The following ANXA4 variants were observed in gnomAD, a reference collection of about 807,000 sequenced individuals.
The protein encoded by ANXA4 is 35-beta calcimedin.
In ANXA4, 39 loss-of-function variants were observed where a neutral mutation model predicts 49.8. The observed-to-expected ratio is 0.78, with a 90% confidence interval of 0.61 to 1.02. ANXA4 has a LOEUF of 1.02. Among genes scored for constraint, ANXA4 ranks in the 50% least tolerant of loss-of-function variants. The pLI is 0.00. For synonymous variants in ANXA4, 134 were observed against 152.5 expected (o/e 0.88, Z 0.89); for missense variants, 360 against 410.1 (o/e 0.88, Z 1.05).
intron 12 of ANXA4, among the ~76,000 whole-genome samples, chr2:69,824,272 G>A (rs542260200): frequency 1.3e-5 from 2 of 152,224 alleles, no homozygotes; most frequent in East Asian, 3.9e-4. Context: ...GGAGGCCAAG[G>A]TGAGTGGATC....
At chr2:69,721,180 C>G (rs558139221) in intron 3 of ANXA4, among the ~76,000 whole-genome samples, 31 of 152,362 alleles carry the variant, frequency 2.0e-4, no homozygotes, top group Admixed American at 5.9e-4. Flanking sequence ...CACTCTTTGT[C>G]AGTTCCCACC....
chr2:69,700,398 T>A (rs1678294225), intron 2 of ANXA4: 1 of 151,998 alleles, frequency 6.6e-6, no homozygotes, highest in Non-Finnish European at 1.5e-5. Context: ...ATACAAATAA[T>A]TACATTCAAA....
At chr2:69,818,758 C>A in intron 10 of ANXA4, 64 bp downstream of exon 10, 2 of 997,592 alleles carry the variant, frequency 2.0e-6, no homozygotes, top group Non-Finnish European at 3.1e-6. Flanking sequence ...TATCAGTTTG[C>A]AATATGGGGA....
At chr2:69,783,281 G>A (rs1339352798) in intron 2 of ANXA4, among the ~76,000 whole-genome samples, 1 of 151,956 alleles carries the variant, frequency 6.6e-6, no homozygotes, top group East Asian at 1.9e-4. Context: ...GCAGTGGCGC[G>A]ATCTTGGCTC....
chr2:69,825,325 A>C, intron 12 of ANXA4, 131 bp from the exon 13 acceptor site: 2 of 712,110 alleles, frequency 2.8e-6, no homozygotes, highest in South Asian at 3.6e-5. Context: ...TACCTTCGTA[A>C]TAAAAAATAA....
At chr2:69,650,433 T>C (rs1676189705) in intron 1 of ANXA4, among the ~76,000 whole-genome samples, 1 of 152,234 alleles carries the variant, frequency 6.6e-6, no homozygotes, top group African/African-American at 2.4e-5. Context: ...ATAAACAAAA[T>C]AGTTACACTC....
chr2:69,772,589 G>A (rs1428640257), intron 1 of ANXA4, among the ~76,000 whole-genome samples: 1 of 152,210 alleles, frequency 6.6e-6, no homozygotes, highest in African/African-American at 2.4e-5. Context: ...CTTGTGCCAA[G>A]AGTTATTGAG....
intron 1 of ANXA4, among the ~76,000 whole-genome samples, chr2:69,777,132 C>T (rs924428002): frequency 2.0e-5 from 3 of 152,174 alleles, no homozygotes; most frequent in Admixed American, 6.5e-5. Flanking sequence ...ACAGCTTCCA[C>T]GGCCTCTCCA....
chr2:69,807,977 A>G lies in ANXA4; in HGVS notation c.378A>G (p.Ile126Met). ...GGACCCCTGAGGAGATCCGGCGCATAAGCCAAACCTACCAGCAGCGTACGT... is the reference window on the plus strand; with the variant it reads ...GGACCCCTGAGGAGATCCGGCGCATGAGCCAAACCTACCAGCAGCGTACGT... ...ASRTPEEIRR[I>M]SQTYQQQYGR... The change falls in exon 6 of 13, where the codon ATA becomes ATG. Residue 126 changes from isoleucine (I) to methionine (M), a missense_variant. Ile to Met is a conservative substitution (Grantham distance 10). Transcript: ENST00000394295. 1 of 1,614,122 alleles carries G rather than the reference A, an allele frequency of 6.2e-7. No homozygotes were observed. The highest frequency in any genetic ancestry group is 1.1e-5 in the South Asian group (1 of 91,072).
At chr2:69,809,122 T>G (rs1220029338) in intron 6 of ANXA4, 2 of 152,142 alleles carry the variant, frequency 1.3e-5, no homozygotes, top group Non-Finnish European at 2.9e-5. Flanking sequence ...TGGGGGAAAA[T>G]GAGGAAGGAT....
At chr2:69,698,866 G>A (rs1678243243) in intron 2 of ANXA4, among the ~76,000 whole-genome samples, 1 of 152,166 alleles carries the variant, frequency 6.6e-6, no homozygotes, top group South Asian at 2.1e-4. Context: ...TAATTTCAAT[G>A]AAGAGGGAGA....
At chr2:69,780,855 C>T (rs1303199045) in intron 1 of ANXA4, among the ~76,000 whole-genome samples, 1 of 152,036 alleles carries the variant, frequency 6.6e-6, no homozygotes, top group African/African-American at 2.4e-5. Context: ...CACAAGAGTC[C>T]TAGACTACAG....
chr2:69,734,943 C>G (rs1159110160), intron 3 of ANXA4, among the ~76,000 whole-genome samples: 1 of 152,196 alleles, frequency 6.6e-6, no homozygotes, highest in East Asian at 1.9e-4. Flanking sequence ...ACAGTCACCC[C>G]TTGTCAACCC....
At chr2:69,656,547 G>GT (rs1676502967) in intron 2 of ANXA4, among the ~76,000 whole-genome samples, 1 of 123,210 alleles carries the variant, frequency 8.1e-6, no homozygotes, top group South Asian at 2.5e-4. Flanking sequence ...AAATACAGTA[G>GT]TTCCTTTTTT....
chr2:69,665,047 G>A (rs1025952887), intron 2 of ANXA4, among the ~76,000 whole-genome samples: 1 of 152,190 alleles, frequency 6.6e-6, no homozygotes, highest in Non-Finnish European at 1.5e-5. Context: ...AGGTTGCAAT[G>A]AGCTGAGATC....
intron 1 of ANXA4, among the ~76,000 whole-genome samples, chr2:69,648,883 C>CTT (rs199698315): frequency 1.2e-4 from 13 of 105,774 alleles, no homozygotes; most frequent in African/African-American, 1.5e-4. Context: ...TTCTTTCTTT[C>CTT]TTTTCTTTTT....
intron 1 of ANXA4, among the ~76,000 whole-genome samples, chr2:69,759,245 TAATA>T (rs950138511): frequency 1.3e-5 from 2 of 150,714 alleles, no homozygotes; most frequent in Non-Finnish European, 3.0e-5. Flanking sequence ...AATAGTAAAA[TAATA>T]AATATGGTGA....
intron 1 of ANXA4, among the ~76,000 whole-genome samples, chr2:69,768,306 A>G (rs1343014707): frequency 6.6e-6 from 1 of 152,232 alleles, no homozygotes; most frequent in Non-Finnish European, 1.5e-5. Flanking sequence ...AGGATGGAAT[A>G]AGGAATACAA....
rs574826751 is a variant in ANXA4 at position 69,806,137 on chromosome 2, G to A, written c.193-248G>A. Among the ~76,000 whole-genome samples the A allele has an allele frequency of 3.9e-5, 6 of 152,288 alleles. No homozygotes were observed. The South Asian group carries it at 1.0e-3, about 26-fold the overall frequency. ...ACAGATATGTACTTGAAAATGGGGG[G>A]AGTATTTGAACAGACAGTTGTTGAT... On this transcript the variant is annotated intron_variant, in intron 4 of 12. Transcript: ENST00000394295.
Sources: allele counts gnomAD v4.1 joint callset (sites outside exome capture counted in the v4.1 genomes callset), GRCh38; gene constraint gnomAD v4.1.1; transcripts MANE v1.5; gene names NCBI Gene and HGNC (gene_info 2026-07-23, HGNC 2026-07-21).